PRELID3A: variants seen among roughly 807,000 people sequenced by gnomAD.
PRELID3A encodes the protein PRELI domain containing protein 3A.
PRELID3A carries 27 observed loss-of-function variants against 23.0 expected under a neutral mutation model. The observed-to-expected ratio is 1.17, with a 90% confidence interval of 0.87 to 1.62. The LOEUF is 1.62. Ranked by LOEUF, PRELID3A falls within the 40% of genes most tolerant of loss-of-function variation. The probability of loss-of-function intolerance (pLI) is 0.00; values close to 1 mark genes in which losing one functional copy is unlikely to be tolerated. For missense variants in PRELID3A, 231 were observed against 231.4 expected (o/e 1.00, Z 0.01); for synonymous variants, 87 against 86.4 (o/e 1.01, Z -0.04).
At chr18:12,426,785 C>T (rs2030394634) in intron 3 of PRELID3A, among the ~76,000 whole-genome samples, 1 of 152,092 alleles carries the variant, frequency 6.6e-6, no homozygotes, top group South Asian at 2.1e-4. Context: ...ATAGTTTTGG[C>T]AGCTTGACTG....
At chr18:12,413,623 G>A (rs1410041601) in intron 1 of PRELID3A, among the ~76,000 whole-genome samples, 5 of 151,906 alleles carry the variant, frequency 3.3e-5, no homozygotes, top group East Asian at 1.9e-4. Context: ...TCACTCTGTC[G>A]CCCAGGCTGG....
chr18:12,426,973 A>G (rs1295212161), intron 3 of PRELID3A, 68 bp from the exon 4 acceptor site: 6 of 1,171,318 alleles, frequency 5.1e-6, no homozygotes, highest in Non-Finnish European at 7.6e-6. Context: ...GGGATGGAAG[A>G]GTATGGGCAG....
intron 1 of PRELID3A, among the ~76,000 whole-genome samples, chr18:12,416,635 T>TTTTC (rs1227689727): frequency 6.8e-6 from 1 of 147,928 alleles, no homozygotes; most frequent in Non-Finnish European, 1.5e-5. Flanking sequence ...TTTTCTTTTC[T>TTTTC]TTTCTTTCTT....
At position 12,429,438 on chromosome 18, in the gene PRELID3A, T is replaced by G. The variant is rs1203281498; in HGVS notation, c.*33+2T>G. 3.1e-6 allele frequency: 5 copies of G among 1,593,602 alleles called. No homozygotes were observed. The highest frequency in any genetic ancestry group is 4.3e-6 in the Non-Finnish European group (5 of 1,162,042). On this transcript the variant is annotated splice_donor_variant, in intron 6 of 6. Transcript: ENST00000440960. LOFTEE classifies it low-confidence loss of function (3UTR_SPLICE). Reference sequence around the variant, plus strand: ...TGCCTGTGCTTGTCATAAATGGTGGTGAGTACAGTATTCACTCACCTGGGG... The same window carrying G: ...TGCCTGTGCTTGTCATAAATGGTGGGGAGTACAGTATTCACTCACCTGGGG...
intron 1 of PRELID3A, among the ~76,000 whole-genome samples, chr18:12,416,862 G>A (rs1171434867): frequency 6.6e-6 from 1 of 151,826 alleles, no homozygotes; most frequent in Non-Finnish European, 1.5e-5. Context: ...AGCCAGGATG[G>A]TCTCGATCTC....
In PRELID3A at chr18:12,429,391, C is replaced by T. The variant is rs749741797; in HGVS notation, c.507C>T (p.Ser169=). 2.7e-5 allele frequency: 44 copies of T among 1,613,758 alleles called. No individual in the cohort carries two copies. Among genetic ancestry groups the T allele is most frequent in the Non-Finnish European group, 3.5e-5 (41 of 1,179,946 alleles). The change falls in exon 6 of 7, where the codon AGC becomes AGT. Residue 169 remains serine (S), a synonymous_variant. Transcript: ENST00000440960. The stretch of plus-strand genomic sequence containing the variant: ...AGTGGATAATTGAACACTCTGAAAG[C>T]GCTGTGAGCTAAGGAGGCCTGTGCC... ...AIEWIIEHSE[S]AVS
At chr18:12,428,952 G>A (rs373379461) in intron 5 of PRELID3A, among the ~76,000 whole-genome samples, 4 of 152,196 alleles carry the variant, frequency 2.6e-5, no homozygotes, top group South Asian at 4.1e-4. Flanking sequence ...AATCACTAAG[G>A]TGGGGAGAGG....
chr18:12,430,537 G>A (rs1408248788), intron 6 of PRELID3A, among the ~76,000 whole-genome samples: 13 of 149,682 alleles, frequency 8.7e-5, no homozygotes, highest in African/African-American at 3.2e-4. Flanking sequence ...TGTGTGTGAT[G>A]TGTATATGTG....
At position 12,413,468 on chromosome 18, in the gene PRELID3A, C is replaced by G. The variant is rs917916880; in HGVS notation, c.32+5461C>G. On this transcript the variant is annotated intron_variant, in intron 1 of 6. Coordinates refer to ENST00000440960, the MANE Select transcript of PRELID3A (RefSeq NM_001142405.2). ...TCCTGTGTATGAATGAGTCTTTAAC[C>G]CAAGTATGACTTGGAAGCATTTGGA... Among the ~76,000 whole-genome samples, 5 of 152,264 alleles carry G rather than the reference C, an allele frequency of 3.3e-5. No homozygotes were observed. The East Asian group carries it at 7.7e-4, about 23-fold the overall frequency.
In PRELID3A at chr18:12,421,685, A is replaced by C. The variant is rs2030187626; in HGVS notation, c.291+56A>C. Reference sequence around the variant, plus strand: ...TCAGTGTGTCTGGGTGGTGGTGCGTAAGGCCTTCGTTTAATTCTATTTCCA... The same window carrying C: ...TCAGTGTGTCTGGGTGGTGGTGCGTCAGGCCTTCGTTTAATTCTATTTCCA... On this transcript the variant is annotated intron_variant, in intron 3 of 6. Transcript: ENST00000440960. 3 of 1,177,902 alleles carry C rather than the reference A, an allele frequency of 2.5e-6. No homozygotes were observed. In the Admixed American group the frequency reaches 5.2e-5, roughly 21 times the overall value. 73.0% of individuals were successfully genotyped at this position (1,177,902 alleles called of 1,614,324 possible).
intron 3 of PRELID3A, among the ~76,000 whole-genome samples, chr18:12,423,673 C>T (rs2030264791): frequency 6.6e-6 from 1 of 152,130 alleles, no homozygotes; most frequent in African/African-American, 2.4e-5. Context: ...GAATGGCGAC[C>T]TGGTCCCAGG....
At chr18:12,416,826 T>C (rs1025061376) in intron 1 of PRELID3A, among the ~76,000 whole-genome samples, 2 of 151,854 alleles carry the variant, frequency 1.3e-5, no homozygotes, top group Non-Finnish European at 2.9e-5. Context: ...TTTGTATTTT[T>C]AGTAGAGTCG....
In PRELID3A at chr18:12,420,463, C is replaced by G; in HGVS notation, c.171C>G (p.Thr57=). The change falls in exon 2 of 7, where the codon ACC becomes ACG. Residue 57 remains threonine, a synonymous_variant. Coordinates refer to ENST00000440960, the MANE Select transcript of PRELID3A (RefSeq NM_001142405.2). ...TGCACAGCTTGCGCCTGCTCAGCAC[C>G]GAGTGGGGGCTGCCCAGCCTCGTGA... ...GRLHSLRLLS[T]EWGLPSLVRA... is the part of the protein sequence containing the mutation. 1 of 1,560,948 alleles carries G rather than the reference C, an allele frequency of 6.4e-7. No homozygotes were observed. The highest frequency in any genetic ancestry group is 8.7e-7 in the Non-Finnish European group (1 of 1,153,496).
chr18:12,426,619 G>A (rs1403269074), intron 3 of PRELID3A, among the ~76,000 whole-genome samples: 2 of 151,252 alleles, frequency 1.3e-5, no homozygotes, highest in Non-Finnish European at 2.9e-5. Context: ...GGTACTGGAG[G>A]AGACAAGAAC....
At chr18:12,414,314 G>A (rs958044799) in intron 1 of PRELID3A, among the ~76,000 whole-genome samples, 4 of 152,224 alleles carry the variant, frequency 2.6e-5, no homozygotes, top group Non-Finnish European at 5.9e-5. Flanking sequence ...CAAGTGCACA[G>A]CAGTGAGGAC....
intron 1 of PRELID3A, among the ~76,000 whole-genome samples, chr18:12,412,771 TTA>T (rs1909960062): frequency 6.6e-6 from 1 of 152,184 alleles, no homozygotes; most frequent in South Asian, 2.1e-4. Flanking sequence ...CTTATGTGGG[TTA>T]TGTCTGTCAA....
At position 12,408,006 on chromosome 18, in the gene PRELID3A, G is replaced by A. The variant is rs1909775963; in HGVS notation, c.31G>A (p.Gly11Ser). 1.6e-6 allele frequency: 2 copies of A among 1,282,124 alleles called. No individual in the cohort carries two copies. Among genetic ancestry groups the A allele is most frequent in the Non-Finnish European group, 2.0e-6 (2 of 1,015,300 alleles). The allele number at this position is 1,282,124 out of a possible 1,614,324, so 79.4% of individuals were successfully genotyped here. Residue 11 changes from glycine to serine, a missense_variant and splice_region_variant, in exon 1 of 7, where the codon GGC becomes AGC. By Grantham distance (56) the Gly-to-Ser change is moderately conservative. Transcript: ENST00000440960. MKIWSSEHVF[G>S]HPWDTVIQAA... ...GATCTGGAGCTCGGAGCACGTGTTTGGGTGAGGCCGGGCTGAGGGCCGCGG... is the reference window on the plus strand; with the variant it reads ...GATCTGGAGCTCGGAGCACGTGTTTAGGTGAGGCCGGGCTGAGGGCCGCGG...
chr18:12,415,779 T>C (rs2029929101), intron 1 of PRELID3A, among the ~76,000 whole-genome samples: 1 of 152,204 alleles, frequency 6.6e-6, no homozygotes, highest in African/African-American at 2.4e-5. Flanking sequence ...CCCGACACTG[T>C]TGGTGCTTAG....
intron 5 of PRELID3A, 85 bp from the exon 6 acceptor site, chr18:12,429,265 C>A: frequency 8.7e-7 from 1 of 1,148,582 alleles, no homozygotes; most frequent in Non-Finnish European, 1.3e-6. Flanking sequence ...TTGCCTTCTG[C>A]AGTTTAGCCT....
Sources: allele counts gnomAD v4.1 joint callset (sites outside exome capture counted in the v4.1 genomes callset), GRCh38; gene constraint gnomAD v4.1.1; transcripts MANE v1.5; gene names NCBI Gene and HGNC (gene_info 2026-07-23, HGNC 2026-07-21).